The following NFIA variants were observed in gnomAD, a reference collection of about 807,000 sequenced individuals.
NFIA encodes the protein nuclear factor 1 A-type.
In NFIA, 8 loss-of-function variants were observed where a neutral mutation model predicts 62.8. The observed-to-expected ratio is 0.13, with a 90% CI of 0.07 to 0.23. The LOEUF (loss-of-function observed/expected upper bound fraction) is 0.23. Among genes scored for constraint, NFIA ranks in the 10% least tolerant of loss-of-function variants. NFIA has a pLI of 1.00. For missense variants in NFIA, 410 were observed against 642.1 expected, an observed-to-expected ratio of 0.64 and a Z score of 3.91; for synonymous variants, 235 against 238.1, an observed-to-expected ratio of 0.99 and a Z score of 0.12.
At chr1:61,290,897 A>G (rs1425076811) in intron 3 of NFIA, among the ~76,000 whole-genome samples, 2 of 152,078 alleles carry the variant, frequency 1.3e-5, no homozygotes, top group Admixed American at 6.6e-5. Flanking sequence ...ATGCTTGTGA[A>G]CTCATGGGTT....
chr1:61,238,534 A>G (rs979178826), intron 2 of NFIA, among the ~76,000 whole-genome samples: 1 of 152,166 alleles, frequency 6.6e-6, no homozygotes, highest in Admixed American at 6.6e-5. Context: ...AAGTCAATGG[A>G]GAATTGCCTT....
At chr1:61,307,353 GAA>G (rs918083978) in intron 3 of NFIA, among the ~76,000 whole-genome samples, 8 of 152,174 alleles carry the variant, frequency 5.3e-5, no homozygotes, top group Admixed American at 5.2e-4. Context: ...GATCTATGAG[GAA>G]GAGTGCTCCC....
At chr1:61,228,468 C>T (rs1654467930) in intron 2 of NFIA, among the ~76,000 whole-genome samples, 1 of 151,818 alleles carries the variant, frequency 6.6e-6, no homozygotes, top group African/African-American at 2.4e-5. Context: ...TGAACACTTA[C>T]CCTGAAGAAA....
intron 2 of NFIA, among the ~76,000 whole-genome samples, chr1:61,275,200 T>C (rs932931457): frequency 2.6e-5 from 4 of 152,226 alleles, no homozygotes; most frequent in South Asian, 2.1e-4. Flanking sequence ...AGCATTTTCT[T>C]GCCACTCACT....
intron 3 of NFIA, among the ~76,000 whole-genome samples, chr1:61,290,648 C>T (rs1457053490): frequency 1.3e-5 from 2 of 152,142 alleles, no homozygotes; most frequent in African/African-American, 4.8e-5. Context: ...AAATGAAGCA[C>T]CTTGTTGTCC....
At position 61,402,948 on chromosome 1, in the gene NFIA, G is replaced by A. The variant is rs537135669; in HGVS notation, c.1076-1156G>A. Among the ~76,000 whole-genome samples the A allele has an allele frequency of 3.9e-5, 6 of 152,278 alleles. No homozygotes were observed. In the East Asian group the frequency reaches 1.2e-3, roughly 29 times the overall value. ...CCTATGCCCAGCAACTAATACAGATGCATTCTTTTTCACAGCCTTTAGCCA... is the reference window on the plus strand; with the variant it reads ...CCTATGCCCAGCAACTAATACAGATACATTCTTTTTCACAGCCTTTAGCCA... On this transcript the variant is annotated intron_variant, in intron 7 of 10. Coordinates refer to ENST00000403491, the MANE Select transcript of NFIA (RefSeq NM_001134673.4).
At chr1:61,436,434 G>A (rs533089492) in intron 10 of NFIA, among the ~76,000 whole-genome samples, 57 of 152,182 alleles carry the variant, frequency 3.7e-4, no homozygotes, top group African/African-American at 1.3e-3. Flanking sequence ...TGGCCTTACC[G>A]AATATTTCTA....
chr1:61,291,133 G>T (rs1465505156), intron 3 of NFIA, among the ~76,000 whole-genome samples: 1 of 152,194 alleles, frequency 6.6e-6, no homozygotes, highest in Non-Finnish European at 1.5e-5. Context: ...TAGGAAAGAC[G>T]AAGAAAGAAG....
chr1:61,452,507 A>G (rs1435376860), intron 10 of NFIA, among the ~76,000 whole-genome samples: 1 of 152,094 alleles, frequency 6.6e-6, no homozygotes, highest in Non-Finnish European at 1.5e-5. Flanking sequence ...GAAAGGGTTA[A>G]TTAAGGTTTT....
chr1:61,147,077 G>A (rs148274616), intron 2 of NFIA, among the ~76,000 whole-genome samples: 195 of 152,104 alleles, frequency 1.3e-3, no homozygotes, highest in African/African-American at 4.4e-3. Context: ...CTGTGTTGCT[G>A]TTAATCTACC....
At chr1:61,382,323 C>G (rs2100483984) in intron 6 of NFIA, among the ~76,000 whole-genome samples, 1 of 152,184 alleles carries the variant, frequency 6.6e-6, no homozygotes, top group Non-Finnish European at 1.5e-5. Flanking sequence ...ATTTTCTATG[C>G]TGGAAATGCT....
At chr1:61,439,852 GT>G (rs1301313521) in intron 10 of NFIA, among the ~76,000 whole-genome samples, 1 of 152,190 alleles carries the variant, frequency 6.6e-6, no homozygotes, top group Non-Finnish European at 1.5e-5. Context: ...CATAATGGCT[GT>G]TTTTAAAAGG....
intron 3 of NFIA, among the ~76,000 whole-genome samples, chr1:61,297,003 G>A (rs527490700): frequency 2.6e-5 from 4 of 152,214 alleles, no homozygotes; most frequent in African/African-American, 9.6e-5. Flanking sequence ...GAAGTACATG[G>A]CATAAACTGG....
At chr1:61,362,352 T>G (rs1254861046) in intron 6 of NFIA, among the ~76,000 whole-genome samples, 3 of 152,210 alleles carry the variant, frequency 2.0e-5, no homozygotes, top group Admixed American at 2.0e-4. Flanking sequence ...ACATTTGGGA[T>G]AATTCTCTCA....
intron 2 of NFIA, among the ~76,000 whole-genome samples, chr1:61,110,169 C>G (rs1199574132): frequency 1.3e-5 from 2 of 151,836 alleles, no homozygotes; most frequent in Non-Finnish European, 2.9e-5. Flanking sequence ...AATGAGATGA[C>G]TCTGCCTGGT....
intron 4 of NFIA, among the ~76,000 whole-genome samples, chr1:61,336,154 T>C (rs899692979): frequency 1.3e-5 from 2 of 152,210 alleles, no homozygotes; most frequent in Non-Finnish European, 2.9e-5. Flanking sequence ...TCTCCTATAA[T>C]TGCATTATAG....
At chr1:61,117,098 C>T (rs1158862631) in intron 2 of NFIA, among the ~76,000 whole-genome samples, 2 of 152,170 alleles carry the variant, frequency 1.3e-5, no homozygotes, top group Non-Finnish European at 2.9e-5. Flanking sequence ...GTGAATATAG[C>T]AGAATTAGTT....
intron 2 of NFIA, among the ~76,000 whole-genome samples, chr1:61,148,923 A>G (rs567356924): frequency 2.0e-4 from 31 of 152,310 alleles, no homozygotes; most frequent in South Asian, 6.2e-4. Flanking sequence ...CCCAGGCTGG[A>G]GTGCAATGGC....
chr1:61,173,064 C>T (rs913435684), intron 2 of NFIA, among the ~76,000 whole-genome samples: 1 of 152,168 alleles, frequency 6.6e-6, no homozygotes, highest in African/African-American at 2.4e-5. Flanking sequence ...CTTGTAAGTC[C>T]TACCCAGGGT....
Sources: allele counts gnomAD v4.1 joint callset (sites outside exome capture counted in the v4.1 genomes callset), GRCh38; gene constraint gnomAD v4.1.1; transcripts MANE v1.5; gene names NCBI Gene and HGNC (gene_info 2026-07-23, HGNC 2026-07-21).